The following GRM5 variants were observed in gnomAD, a reference collection of about 807,000 sequenced individuals.
GRM5 encodes the protein glutamate metabotropic receptor 5.
In GRM5, 19 loss-of-function variants were observed where a neutral mutation model predicts 83.1. The ratio of observed to expected loss-of-function variants is 0.23; its 90% CI spans 0.16 to 0.34. The LOEUF (loss-of-function observed/expected upper bound fraction) is 0.34, where lower values mean the gene tolerates loss of function less well. Among genes scored for constraint, GRM5 ranks in the 10% least tolerant of loss-of-function variants. The pLI is 1.00. For missense variants in GRM5, 1,160 were observed against 1,588.3 expected (o/e 0.73, Z 4.58); for synonymous variants, 675 against 633.6 (o/e 1.07, Z -0.98).
chr11:88,892,412 A>C (rs955118283), intron 2 of GRM5, among the ~76,000 whole-genome samples: 4 of 151,934 alleles, frequency 2.6e-5, no homozygotes, highest in African/African-American at 9.7e-5. Flanking sequence ...CTTAAGTGTA[A>C]AGTATTTGGG....
intron 2 of GRM5, among the ~76,000 whole-genome samples, chr11:89,010,253 A>T (rs1940659130): frequency 6.6e-6 from 1 of 152,156 alleles, no homozygotes; most frequent in Admixed American, 6.5e-5. Flanking sequence ...TGAATATATG[A>T]CGTAACCATG....
At chr11:88,528,398 C>T (rs1941928920) in intron 8 of GRM5, among the ~76,000 whole-genome samples, 1 of 151,960 alleles carries the variant, frequency 6.6e-6, no homozygotes, top group Non-Finnish European at 1.5e-5. Flanking sequence ...TTTATTCATT[C>T]ACTTACTCAT....
intron 3 of GRM5, among the ~76,000 whole-genome samples, chr11:88,826,333 G>A (rs1384642641): frequency 6.6e-6 from 1 of 151,864 alleles, no homozygotes; most frequent in Admixed American, 6.6e-5. Flanking sequence ...GTACATATTT[G>A]CTGTTTTTCT....
chr11:88,626,770 G>T (rs1242326922), intron 4 of GRM5, among the ~76,000 whole-genome samples: 1 of 152,136 alleles, frequency 6.6e-6, no homozygotes, highest in Non-Finnish European at 1.5e-5. Context: ...TCATGATAGG[G>T]TTAATGTCCT....
At chr11:88,886,621 G>A (rs1488948610) in intron 2 of GRM5, among the ~76,000 whole-genome samples, 1 of 152,074 alleles carries the variant, frequency 6.6e-6, no homozygotes, top group Non-Finnish European at 1.5e-5. Context: ...AGAAGTCCTG[G>A]TGTACCTGAG....
At chr11:88,986,716 G>C (rs939192700) in intron 2 of GRM5, among the ~76,000 whole-genome samples, 1 of 70,108 alleles carries the variant, frequency 1.4e-5, no homozygotes. Context: ...AGTCAGATGA[G>C]TTTATTTTTG....
At chr11:88,773,529 G>C (rs1415468479) in intron 3 of GRM5, among the ~76,000 whole-genome samples, 1 of 152,154 alleles carries the variant, frequency 6.6e-6, no homozygotes, top group Admixed American at 6.5e-5. Context: ...CCTTGCCCAT[G>C]CCTATGTCCT....
At chr11:89,046,887 T>C (rs1174281681) in intron 2 of GRM5, among the ~76,000 whole-genome samples, 1 of 152,188 alleles carries the variant, frequency 6.6e-6, no homozygotes, top group Non-Finnish European at 1.5e-5. Context: ...AATGAAGATA[T>C]AGAGACTTGA....
At chr11:89,009,492 C>T (rs1940622108) in intron 2 of GRM5, among the ~76,000 whole-genome samples, 1 of 152,118 alleles carries the variant, frequency 6.6e-6, no homozygotes, top group Admixed American at 6.5e-5. Context: ...CTAGGACTCA[C>T]ATATTGGCCA....
chr11:88,687,535 T>TACACAC (rs74191805), intron 3 of GRM5, among the ~76,000 whole-genome samples: 1 of 47,442 alleles, frequency 2.1e-5, no homozygotes, highest in Non-Finnish European at 3.5e-5. Flanking sequence ...CATACATATA[T>TACACAC]ATACACACAC....
rs1945027301 is a variant in GRM5, at chr11:88,885,450, G to GGTTTTTTTTTTTTTTTTTTT, written c.662-35296_662-35295insAAAAAAAAAAAAAAAAAAAC. 3.7e-4 allele frequency among the ~76,000 whole-genome samples: 23 copies of GGTTTTTTTTTTTTTTTTTTT among 62,660 alleles called. 9 individuals are homozygous for GGTTTTTTTTTTTTTTTTTTT. The highest frequency in any genetic ancestry group is 2.6e-3 in the South Asian group (4 of 1,540). The allele number at this position is 62,660 out of a possible 152,430, so 41.1% of individuals were successfully genotyped here. On this transcript the variant is annotated intron_variant, in intron 2 of 9. Coordinates refer to ENST00000305447, the MANE Select transcript of GRM5 (RefSeq NM_001143831.3). ...TTCTGAATTCTATAGTAGGTACCATGTTTTTTTTTTTTTTTTTTTTTTTTT... is the reference window on the plus strand; with the variant it reads ...TTCTGAATTCTATAGTAGGTACCATGGTTTTTTTTTTTTTTTTTTTTTTTTTTTTTTTTTTTTTTTTTTTT...
chr11:88,937,422 C>T lies in GRM5; in HGVS notation c.662-87267G>A, dbSNP rs188481544. Among the ~76,000 whole-genome samples, 18 of 151,724 alleles carry T rather than the reference C, an allele frequency of 1.2e-4. No homozygotes were observed. The East Asian group carries it at 3.1e-3, about 26-fold the overall frequency. On this transcript the variant is annotated intron_variant, in intron 2 of 9. Coordinates refer to ENST00000305447, the MANE Select transcript of GRM5 (RefSeq NM_001143831.3). ...TGACTTTGAAATCTGACAGATTTCT[C>T]ATTTTCTAAACAATGACAACACAGC...
intron 2 of GRM5, among the ~76,000 whole-genome samples, chr11:89,009,896 G>A (rs1424942876): frequency 1.1e-4 from 2 of 18,112 alleles, no homozygotes; most frequent in African/African-American, 3.9e-4. Flanking sequence ...GCGAGACTCC[G>A]TCTCAAAAAA....
At chr11:88,786,630 C>A (rs1371211189) in intron 3 of GRM5, among the ~76,000 whole-genome samples, 1 of 152,068 alleles carries the variant, frequency 6.6e-6, no homozygotes, top group Non-Finnish European at 1.5e-5. Context: ...AACATGGCTC[C>A]CCCTGCCCCA....
rs3462 is a variant in GRM5 at position 88,508,324 on chromosome 11, C to T, written c.*268G>A. 0.13 allele frequency: 46,898 copies of T among 356,312 alleles called. 3,543 individuals are homozygous for T. Among genetic ancestry groups the T allele is most frequent in the African/African-American group, 0.15 (7,052 of 46,226 alleles). 22.1% of individuals were successfully genotyped at this position (356,312 alleles called of 1,614,324 possible). Reference sequence around the variant, plus strand: ...CTTGGTATGGAACTGTTTGAAGAGACGCCTTGTCAGCCCTCAAAGATATCA... The same window carrying T: ...CTTGGTATGGAACTGTTTGAAGAGATGCCTTGTCAGCCCTCAAAGATATCA... On this transcript the variant is annotated 3_prime_UTR_variant, in exon 10 of 10. Transcript: ENST00000305447. The surrounding 1 kb of genome is among the most constrained non-coding windows in gnomAD (Gnocchi z 4.2).
intron 8 of GRM5, among the ~76,000 whole-genome samples, chr11:88,533,507 T>C (rs528375439): frequency 5.3e-5 from 8 of 152,126 alleles, no homozygotes; most frequent in African/African-American, 1.4e-4. Flanking sequence ...CTAAAATAAT[T>C]TATATTTTAC....
At chr11:88,953,031 A>G (rs1282046569) in intron 2 of GRM5, among the ~76,000 whole-genome samples, 1 of 152,226 alleles carries the variant, frequency 6.6e-6, no homozygotes, top group Non-Finnish European at 1.5e-5. Flanking sequence ...AATGAATAAA[A>G]TGAATAGAGA....
chr11:88,849,767 T>G, intron 3 of GRM5, 139 bp downstream of exon 3: 1 of 780,964 alleles, frequency 1.3e-6, no homozygotes, highest in Non-Finnish European at 2.2e-6. Flanking sequence ...CAGGCACAGG[T>G]GCGTTATGAA....
At chr11:88,646,779 G>A (rs1321206317) in intron 4 of GRM5, among the ~76,000 whole-genome samples, 2 of 151,868 alleles carry the variant, frequency 1.3e-5, no homozygotes, top group East Asian at 1.9e-4. Context: ...CAAAGAAGGA[G>A]GGTGTCATCA....
Sources: gnomAD v4.1 joint callset for allele counts (sites outside exome capture counted in the v4.1 genomes callset) on GRCh38, gnomAD v4.1.1 for gene constraint, Gnocchi (gnomAD v3.1) non-coding constraint, MANE v1.5 for transcripts, NCBI Gene and HGNC (gene_info 2026-07-23, HGNC 2026-07-21) for gene names.